The following DTL variants were observed in gnomAD, a reference collection of about 807,000 sequenced individuals.
The protein encoded by DTL is denticleless protein homolog.
In DTL, 46 loss-of-function variants were observed where a neutral mutation model predicts 87.0. The observed-to-expected ratio is 0.53, with a 90% CI of 0.42 to 0.68. The LOEUF is 0.68. Among genes scored for constraint, DTL ranks in the 30% least tolerant of loss-of-function variants. The probability of loss-of-function intolerance (pLI) is 0.00; values close to 1 mark genes in which losing one functional copy is unlikely to be tolerated. For missense variants in DTL, 737 were observed against 869.4 expected, an observed-to-expected ratio of 0.85 and a Z score of 1.91; for synonymous variants, 308 against 311.2, an observed-to-expected ratio of 0.99 and a Z score of 0.11.
chr1:212,082,622 G>A (rs1655020022), intron 13 of DTL, among the ~76,000 whole-genome samples: 2 of 152,146 alleles, frequency 1.3e-5, no homozygotes, highest in Admixed American at 1.3e-4. Flanking sequence ...CATGGTGCAG[G>A]TAGGCTACTG....
chr1:212,080,776 T>C lies in DTL; in HGVS notation c.1261+26T>C, dbSNP rs779362537. 2.5e-6 allele frequency: 4 copies of C among 1,610,304 alleles called. No individual in the cohort carries two copies. The African/African-American group carries it at 4.0e-5, about 16-fold the overall frequency. On this transcript the variant is annotated intron_variant, in intron 13 of 14. Coordinates refer to ENST00000366991, the MANE Select transcript of DTL (RefSeq NM_016448.4). The stretch of plus-strand genomic sequence containing the variant: ...GTAAGGATATCATATACTTTCCAAG[T>C]TTTTTATGGTTTGACTAGTTTAGTC...
chr1:212,041,529 G>A (rs902045902), intron 1 of DTL, among the ~76,000 whole-genome samples: 6 of 147,648 alleles, frequency 4.1e-5, no homozygotes, highest in Admixed American at 2.7e-4. Context: ...GGGTGGGGAC[G>A]GAGTGTCGCT....
At position 212,043,107 on chromosome 1, in the gene DTL, C is replaced by T. The variant is rs1391554808; in HGVS notation, c.167C>T (p.Thr56Ile). 6.2e-7 allele frequency: 1 copy of T among 1,611,764 alleles called. No homozygotes were observed. The highest frequency in any genetic ancestry group is 8.5e-7 in the Non-Finnish European group (1 of 1,179,146). The change falls in exon 2 of 15, where the codon ACC becomes ATC. Residue 56 changes from threonine (T) to isoleucine (I), a missense_variant. Transcript: ENST00000366991. Reference protein sequence around the residue: ...TGVPVPPFGCTFSSAPNMEHV... With the variant: ...TGVPVPPFGCIFSSAPNMEHV... The stretch of plus-strand genomic sequence containing the variant: ...GTCCCAGTTCCTCCTTTTGGATGTA[C>T]CTTCTCTTCTGGTAAGAGAATTACT...
Position 212,075,730 on chromosome 1 carries a change from C to T in DTL, c.1036-2443C>T, listed in dbSNP as rs538344638. 1.1e-4 allele frequency among the ~76,000 whole-genome samples: 17 copies of T among 152,208 alleles called. No individual in the cohort carries two copies. In the South Asian group the frequency reaches 3.3e-3, roughly 30 times the overall value. ...CCTTATTCAGATAGAATTCATATAA[C>T]ATATAATTCACCATTTTAGTCATTT... On this transcript the variant is annotated intron_variant, in intron 11 of 14. Transcript: ENST00000366991.
intron 3 of DTL, among the ~76,000 whole-genome samples, chr1:212,045,944 T>TGTA (rs1667796080): frequency 6.6e-6 from 1 of 151,726 alleles, no homozygotes; most frequent in Non-Finnish European, 1.5e-5. Context: ...TTGTTGTTGT[T>TGTA]GTTGTTGTAT....
At chr1:212,085,260 A>G (rs766304690) in intron 13 of DTL, among the ~76,000 whole-genome samples, 35 of 152,210 alleles carry the variant, frequency 2.3e-4, no homozygotes, top group Admixed American at 1.3e-4. Flanking sequence ...AATATCTTCA[A>G]CACCTAAAAT....
intron 13 of DTL, among the ~76,000 whole-genome samples, chr1:212,088,468 T>G (rs536645930): frequency 6.6e-6 from 1 of 152,228 alleles, no homozygotes; most frequent in East Asian, 1.9e-4. Flanking sequence ...ATTCAAAAAC[T>G]ATAGCACACA....
intron 13 of DTL, among the ~76,000 whole-genome samples, chr1:212,088,430 G>A (rs1399239436): frequency 6.6e-6 from 1 of 152,126 alleles, no homozygotes; most frequent in African/African-American, 2.4e-5. Context: ...AGCTGCCCTC[G>A]AGGCTCACAG....
At chr1:212,056,168 T>G (rs1668170351) in intron 5 of DTL, among the ~76,000 whole-genome samples, 1 of 152,184 alleles carries the variant, frequency 6.6e-6, no homozygotes, top group South Asian at 2.1e-4. Context: ...TTCCAATACC[T>G]GAGTAAGTCA....
intron 13 of DTL, among the ~76,000 whole-genome samples, chr1:212,083,983 A>T (rs1163704012): frequency 2.0e-5 from 3 of 152,156 alleles, no homozygotes; most frequent in Admixed American, 2.0e-4. Flanking sequence ...AAGCTTAAAG[A>T]TTCATTTTAC....
chr1:212,046,047 A>T (rs1231692038), intron 3 of DTL, among the ~76,000 whole-genome samples: 2 of 152,146 alleles, frequency 1.3e-5, no homozygotes, highest in African/African-American at 2.4e-5. Context: ...AAGTGCTGGG[A>T]TTACAGGTGT....
intron 5 of DTL, among the ~76,000 whole-genome samples, chr1:212,049,550 G>T (rs1222184064): frequency 6.6e-6 from 1 of 152,236 alleles, no homozygotes; most frequent in African/African-American, 2.4e-5. Context: ...CACTGAGTTA[G>T]AGATTGGGGC....
chr1:212,054,792 CAAAAAAAAA>C (rs756328781), intron 5 of DTL, among the ~76,000 whole-genome samples: 22 of 68,518 alleles, frequency 3.2e-4, no homozygotes, highest in Admixed American at 3.3e-4. Flanking sequence ...GACACCACCT[CAAAAAAAAA>C]AAAAAAAAAA....
At chr1:212,052,789 A>T (rs188913859) in intron 5 of DTL, among the ~76,000 whole-genome samples, 1 of 151,162 alleles carries the variant, frequency 6.6e-6, no homozygotes, top group East Asian at 1.9e-4. Context: ...TATCCCATGC[A>T]TCCTTGAGGT....
rs1553257201 is a variant in DTL at position 212,059,792 on chromosome 1, A to AAC, written c.461-3091_461-3090insCA. 3.1e-4 allele frequency among the ~76,000 whole-genome samples: 46 copies of AAC among 148,946 alleles called. No individual in the cohort carries two copies. In the East Asian group the frequency reaches 4.4e-3, roughly 14 times the overall value. Reference sequence around the variant, plus strand: ...TTAAAGACTCTACAAAAAAAAAAAAAAAAAAAAAAAACCTCAGATCTGATA... The same window carrying AAC: ...TTAAAGACTCTACAAAAAAAAAAAAAACAAAAAAAAAAACCTCAGATCTGATA... On this transcript the variant is annotated intron_variant, in intron 5 of 14. Transcript: ENST00000366991.
intron 13 of DTL, among the ~76,000 whole-genome samples, chr1:212,091,301 A>C (rs1655272920): frequency 1.3e-5 from 2 of 152,200 alleles, no homozygotes; most frequent in African/African-American, 4.8e-5. Flanking sequence ...GACAAAATGT[A>C]ACAAGTATTG....
chr1:212,085,254 T>C (rs1395205238), intron 13 of DTL, among the ~76,000 whole-genome samples: 8 of 152,342 alleles, frequency 5.3e-5, no homozygotes, highest in South Asian at 2.1e-4. Context: ...TTCTAGAATA[T>C]CTTCAACACC....
At position 212,103,446 on chromosome 1, in the gene DTL, G is replaced by C. The variant is rs61830762; in HGVS notation, c.*506G>C. The C allele has an allele frequency of 6.6e-6, 1 of 152,108 alleles. No homozygotes were observed. The highest frequency in any genetic ancestry group is 2.4e-5 in the African/African-American group (1 of 41,388). The allele number at this position is 152,108 out of a possible 1,614,324, so 9.4% of individuals were successfully genotyped here. ...CATAATCTTTTCACTATGCTTTTGT[G>C]GGGTTTTTTTTAAGTATGTGTAAAA... On this transcript the variant is annotated 3_prime_UTR_variant, in exon 15 of 15. Coordinates refer to ENST00000366991, the MANE Select transcript of DTL (RefSeq NM_016448.4).
intron 13 of DTL, among the ~76,000 whole-genome samples, chr1:212,086,080 G>GTTCTTTT (rs1655121084): frequency 6.6e-6 from 1 of 152,102 alleles, no homozygotes; most frequent in Non-Finnish European, 1.5e-5. Context: ...TTTATTTCAA[G>GTTCTTTT]ATTGTCTCGA....
Sources: allele counts gnomAD v4.1 joint callset (sites outside exome capture counted in the v4.1 genomes callset), GRCh38; gene constraint gnomAD v4.1.1; transcripts MANE v1.5; gene names NCBI Gene and HGNC (gene_info 2026-07-23, HGNC 2026-07-21).